The following RANBP17 variants were observed in gnomAD, a reference collection of about 807,000 sequenced individuals.
The protein encoded by RANBP17 is RAN binding protein 17, also known as ran-binding protein 17.
A neutral mutation model predicts 141.2 loss-of-function variants in RANBP17; 158 were observed. The ratio of observed to expected loss-of-function variants is 1.12; its 90% CI spans 0.98 to 1.28. The LOEUF (loss-of-function observed/expected upper bound fraction) is 1.28, where lower values mean the gene tolerates loss of function less well. Ranked by LOEUF, RANBP17 falls within the 50% of genes most tolerant of loss-of-function variation. The pLI is 0.00. For missense variants in RANBP17, 1,438 were observed against 1,290.7 expected (o/e 1.11, Z -1.75); for synonymous variants, 430 against 450.0 (o/e 0.96, Z 0.56).
At chr5:170,939,359 TTTTA>T (rs370040899) in intron 12 of RANBP17, among the ~76,000 whole-genome samples, 19,098 of 147,494 alleles carry the variant, frequency 0.13, 1,345 homozygotes, top group African/African-American at 0.17. Context: ...AAAAATTTTA[TTTTA>T]TTTATTTATT....
chr5:171,193,538 C>T (rs1009456766), intron 18 of RANBP17, among the ~76,000 whole-genome samples: 5 of 152,162 alleles, frequency 3.3e-5, no homozygotes, highest in Middle Eastern at 3.2e-3. Context: ...GTAGCTTAAA[C>T]GATACTAATG....
chr5:171,126,940 A>C (rs1388041492), intron 14 of RANBP17, among the ~76,000 whole-genome samples: 1 of 152,236 alleles, frequency 6.6e-6, no homozygotes, highest in Non-Finnish European at 1.5e-5. Flanking sequence ...AGACTATTTC[A>C]GAAAATTGAA....
chr5:171,038,826 G>A (rs1782053269), intron 14 of RANBP17, among the ~76,000 whole-genome samples: 1 of 152,154 alleles, frequency 6.6e-6, no homozygotes, highest in Non-Finnish European at 1.5e-5. Context: ...TGTTCCTGGT[G>A]AATTAATTGT....
chr5:170,962,014 G>A (rs1776188520), intron 13 of RANBP17, among the ~76,000 whole-genome samples: 1 of 152,178 alleles, frequency 6.6e-6, no homozygotes, highest in Non-Finnish European at 1.5e-5. Flanking sequence ...ATATGTAGAT[G>A]TAATGGGTGG....
intron 8 of RANBP17, among the ~76,000 whole-genome samples, chr5:170,915,765 G>C (rs1771899707): frequency 6.6e-6 from 1 of 151,964 alleles, no homozygotes; most frequent in African/African-American, 2.4e-5. Context: ...CCCCCAACAG[G>C]ATACCACGGT....
intron 14 of RANBP17, among the ~76,000 whole-genome samples, chr5:171,109,762 A>T (rs920485731): frequency 6.6e-6 from 1 of 152,194 alleles, no homozygotes; most frequent in Admixed American, 6.5e-5. Flanking sequence ...CATATTTTCA[A>T]TCTGCGATTG....
rs35922124 is a variant in RANBP17 at position 170,920,511 on chromosome 5, CTT to C, written c.1274+910_1274+911del. On this transcript the variant is annotated intron_variant, in intron 11 of 27. Transcript: ENST00000523189. ...ATTTTTTAATTGGGTTGTATATTTT[CTT>C]TTTTTTTTTTTATATTGAGATTTGA... is the stretch of plus-strand genomic sequence containing the variant. 8.0e-3 allele frequency among the ~76,000 whole-genome samples: 1,153 copies of C among 144,682 alleles called. 13 individuals are homozygous for C. Among genetic ancestry groups the C allele is most frequent in the African/African-American group, 0.025 (974 of 39,264 alleles). The allele number at this position is 144,682 out of a possible 152,430, so 94.9% of individuals were successfully genotyped here. A position where few individuals can be genotyped will look rare whatever the true frequency, so the allele number is the denominator to read the frequency against.
intron 5 of RANBP17, among the ~76,000 whole-genome samples, chr5:170,899,853 C>A (rs375257530): frequency 1.3e-5 from 2 of 152,102 alleles, no homozygotes; most frequent in Non-Finnish European, 2.9e-5. Flanking sequence ...GGTTTGCATC[C>A]CAGAGATAAA....
chr5:171,155,078 G>GAAAAAAAAAA (rs145976955), intron 14 of RANBP17, among the ~76,000 whole-genome samples: 40 of 74,980 alleles, frequency 5.3e-4, no homozygotes, highest in East Asian at 1.3e-3. Flanking sequence ...ACTCCATCTA[G>GAAAAAAAAAA]AAAAAAAAAA....
At chr5:170,919,371 A>G in intron 10 of RANBP17, 70 bp from the exon 11 acceptor site, 1 of 1,076,766 alleles carries the variant, frequency 9.3e-7, no homozygotes. Context: ...ATGTTTAGTA[A>G]TTTTATTCTG....
intron 25 of RANBP17, among the ~76,000 whole-genome samples, chr5:171,274,153 C>T (rs866491531): frequency 0.12 from 16,891 of 136,006 alleles, 1,131 homozygotes; most frequent in East Asian, 0.22. Flanking sequence ...TGTGTGTGCG[C>T]GCGCGCGCGC....
chr5:171,001,918 G>A lies in RANBP17; in HGVS notation c.1710+33541G>A, dbSNP rs931798834. Among the ~76,000 whole-genome samples, 7 of 152,196 alleles carry A rather than the reference G, an allele frequency of 4.6e-5. No homozygotes were observed. In the East Asian group the frequency reaches 5.8e-4, roughly 13 times the overall value. On this transcript the variant is annotated intron_variant, in intron 14 of 27. Coordinates refer to ENST00000523189, the MANE Select transcript of RANBP17 (RefSeq NM_022897.5). ...TACCCATCCAGTGAAAGCATCTACC[G>A]AGACCAAGAGGTATTTTAGTTTCCT... is the stretch of plus-strand genomic sequence containing the variant.
chr5:171,155,094 A>AAAAAAAAATATAT (rs34090443), intron 14 of RANBP17, among the ~76,000 whole-genome samples: 1 of 74,986 alleles, frequency 1.3e-5, no homozygotes. Flanking sequence ...AAAAAAAAAA[A>AAAAAAAAATATAT]ATATATATAT....
intron 14 of RANBP17, among the ~76,000 whole-genome samples, chr5:171,162,083 T>TA (rs1287212001): frequency 9.8e-5 from 15 of 152,320 alleles, no homozygotes; most frequent in African/African-American, 2.9e-4. Flanking sequence ...AATCCTCTAC[T>TA]AAAATTAAGC....
chr5:171,198,848 TC>T (rs1424962393), intron 18 of RANBP17, among the ~76,000 whole-genome samples: 1 of 152,210 alleles, frequency 6.6e-6, no homozygotes, highest in Non-Finnish European at 1.5e-5. Context: ...GCCTGTTTCT[TC>T]AGTAGAGTGC....
intron 12 of RANBP17, among the ~76,000 whole-genome samples, chr5:170,941,081 T>A (rs1774289840): frequency 6.6e-6 from 1 of 151,996 alleles, no homozygotes; most frequent in African/African-American, 2.4e-5. Context: ...AATACAGAAA[T>A]ACAACATTTT....
intron 12 of RANBP17, among the ~76,000 whole-genome samples, chr5:170,926,322 G>A (rs912501264): frequency 3.9e-5 from 6 of 151,994 alleles, no homozygotes; most frequent in Non-Finnish European, 5.9e-5. Flanking sequence ...CCAGCAGCTC[G>A]TATTATTATA....
chr5:171,044,667 G>A (rs913725365), intron 14 of RANBP17, among the ~76,000 whole-genome samples: 4 of 151,960 alleles, frequency 2.6e-5, no homozygotes, highest in Admixed American at 6.6e-5. Flanking sequence ...TGATCTGCTC[G>A]TTAAACAATA....
At chr5:170,896,137 A>G in intron 5 of RANBP17, 22 bp downstream of exon 5, 1 of 1,544,524 alleles carries the variant, frequency 6.5e-7, no homozygotes, top group Non-Finnish European at 8.9e-7. Context: ...TTTCCATCTA[A>G]CAGGAGCCTG....
Sources: allele counts gnomAD v4.1 joint callset (sites outside exome capture counted in the v4.1 genomes callset), GRCh38; gene constraint gnomAD v4.1.1; transcripts MANE v1.5; gene names NCBI Gene and HGNC (gene_info 2026-07-23, HGNC 2026-07-21).